The following ASTN1 variants were observed in gnomAD, a reference collection of about 807,000 sequenced individuals.
ASTN1 encodes the protein astrotactin-1.
Under a neutral mutation model 140.7 loss-of-function variants are expected in ASTN1, and 41 were observed. The observed-to-expected ratio is 0.29, with a 90% confidence interval of 0.23 to 0.38. The LOEUF (loss-of-function observed/expected upper bound fraction) is 0.38, where lower values mean the gene tolerates loss of function less well. ASTN1 is among the 10% of genes least tolerant of loss of function. The probability of loss-of-function intolerance (pLI) is 1.00; values close to 1 mark genes in which losing one functional copy is unlikely to be tolerated. For missense variants in ASTN1, 1,479 were observed against 1,678.8 expected, an observed-to-expected ratio of 0.88 and a Z score of 2.08; for synonymous variants, 640 against 652.2, an observed-to-expected ratio of 0.98 and a Z score of 0.29.
chr1:176,944,597 T>A (rs10913279), intron 13 of ASTN1, among the ~76,000 whole-genome samples: 8,434 of 152,158 alleles, frequency 0.055, 754 homozygotes, highest in African/African-American at 0.19. Context: ...ACCAAGAAGT[T>A]CCCCTCACCT....
chr1:176,937,062 G>C (rs1340635981), intron 14 of ASTN1, among the ~76,000 whole-genome samples: 1 of 152,100 alleles, frequency 6.6e-6, no homozygotes, highest in African/African-American at 2.4e-5. Context: ...GAGGCCAGGC[G>C]GCAGTTCTTA....
At chr1:176,895,855 C>G (rs4397623) in intron 16 of ASTN1, among the ~76,000 whole-genome samples, 47,740 of 152,064 alleles carry the variant, frequency 0.31, 9,001 homozygotes, top group East Asian at 0.73. Context: ...TGAGATTCAT[C>G]ACTTCTTTTT....
chr1:177,008,661 A>T (rs2101927815), intron 8 of ASTN1, among the ~76,000 whole-genome samples: 1 of 151,938 alleles, frequency 6.6e-6, no homozygotes, highest in South Asian at 2.1e-4. Flanking sequence ...AGGAGGATGA[A>T]TAAAATAAAC....
rs1349895321 is a variant in ASTN1 at position 176,862,677 on chromosome 1, C to T, written c.*1607G>A. ...AAGGGATTTGAGGCAAGTTGTATAACCTCTCTTTGCCTCGTTTTCCTCAAC... is the reference window on the plus strand; with the variant it reads ...AAGGGATTTGAGGCAAGTTGTATAATCTCTCTTTGCCTCGTTTTCCTCAAC... On this transcript the variant is annotated 3_prime_UTR_variant, in exon 23 of 23. Coordinates refer to ENST00000361833, the MANE Select transcript of ASTN1 (RefSeq NM_004319.3). 1.1e-6 allele frequency: 1 copy of T among 904,722 alleles called. No individual in the cohort carries two copies. Among genetic ancestry groups the T allele is most frequent in the Non-Finnish European group, 1.3e-6 (1 of 756,642 alleles). The allele number at this position is 904,722 out of a possible 1,614,324, so 56.0% of individuals were successfully genotyped here. A position where few individuals can be genotyped will look rare whatever the true frequency, so the allele number is the denominator to read the frequency against.
intron 1 of ASTN1, among the ~76,000 whole-genome samples, chr1:177,145,666 C>G (rs1269516780): frequency 1.3e-5 from 2 of 152,208 alleles, no homozygotes; most frequent in African/African-American, 4.8e-5. Context: ...TATTCATTCA[C>G]TCAGTCAGTC....
chr1:177,030,894 A>C lies in ASTN1; in HGVS notation c.924T>G (p.Thr308=). The C allele has an allele frequency of 6.2e-7, 1 of 1,614,186 alleles. No homozygotes were observed. The highest frequency in any genetic ancestry group is 8.5e-7 in the Non-Finnish European group (1 of 1,180,024). The stretch of plus-strand genomic sequence containing the variant: ...GCTGGTGGTTGGAGTCCACAGGGCT[A>C]GTGGCTATAATATTATCTTTATACT... The part of the protein sequence containing the change: ...MNKYKDNIIA[T]SPVDSNHQQA... The change falls in exon 4 of 23, where the codon ACT becomes ACG. Residue 308 remains threonine (T), a synonymous_variant. Transcript: ENST00000361833.
chr1:176,983,487 C>T (rs1181248577), intron 8 of ASTN1, among the ~76,000 whole-genome samples: 1 of 152,214 alleles, frequency 6.6e-6, no homozygotes, highest in Non-Finnish European at 1.5e-5. Context: ...GACATATTTT[C>T]CCCAAATGCT....
chr1:176,942,101 T>C (rs1671740555), intron 14 of ASTN1, among the ~76,000 whole-genome samples: 1 of 152,240 alleles, frequency 6.6e-6, no homozygotes, highest in Admixed American at 6.5e-5. Flanking sequence ...ATAAGGTAGA[T>C]ATTACTTCAT....
At chr1:177,129,623 G>A (rs901511804) in intron 1 of ASTN1, among the ~76,000 whole-genome samples, 5 of 152,186 alleles carry the variant, frequency 3.3e-5, no homozygotes, top group East Asian at 1.9e-4. Flanking sequence ...ACCCAGTGAC[G>A]TGCTAAAAGT....
intron 16 of ASTN1, among the ~76,000 whole-genome samples, chr1:176,920,950 T>C (rs1354382863): frequency 6.6e-6 from 1 of 152,190 alleles, no homozygotes; most frequent in Admixed American, 6.5e-5. Context: ...CAGCAATATG[T>C]CAACAATAAA....
chr1:176,887,795 CGCCACCTCCTCCACAGAGCCGT>C (rs1669098838), intron 18 of ASTN1, among the ~76,000 whole-genome samples: 1 of 152,010 alleles, frequency 6.6e-6, no homozygotes, highest in Non-Finnish European at 1.5e-5. Context: ...GAAGTTCAAG[CGCCACCTCCTCCACAGAGCCGT>C]CACCATGGCG....
At chr1:176,939,043 CG>C (rs1334585194) in intron 14 of ASTN1, among the ~76,000 whole-genome samples, 2 of 151,226 alleles carry the variant, frequency 1.3e-5, no homozygotes, top group African/African-American at 4.9e-5. Context: ...ACCCAGGGGG[CG>C]GAGGTTGCAG....
At chr1:177,118,013 T>A (rs1681184604) in intron 1 of ASTN1, among the ~76,000 whole-genome samples, 1 of 152,222 alleles carries the variant, frequency 6.6e-6, no homozygotes, top group Non-Finnish European at 1.5e-5. Context: ...TATATGTATA[T>A]ATATTTGTAT....
chr1:177,047,550 G>T (rs1398643830), intron 2 of ASTN1, among the ~76,000 whole-genome samples: 2 of 152,176 alleles, frequency 1.3e-5, no homozygotes, highest in African/African-American at 2.4e-5. Context: ...ATTAGATTCA[G>T]CCTGATGGTG....
chr1:177,028,889 C>A (rs1676272642), intron 5 of ASTN1, among the ~76,000 whole-genome samples: 2 of 152,186 alleles, frequency 1.3e-5, no homozygotes, highest in African/African-American at 4.8e-5. Context: ...TACCACACAG[C>A]AAATAACTGG....
rs79877093 is a variant in ASTN1, at chr1:177,009,351, T to C, written c.1523+5440A>G. Among the ~76,000 whole-genome samples, 783 of 152,284 alleles carry C rather than the reference T, an allele frequency of 5.1e-3. 4 individuals carry two copies. The highest frequency in any genetic ancestry group is 0.017 in the African/African-American group (723 of 41,556). On this transcript the variant is annotated intron_variant, in intron 8 of 22. Transcript: ENST00000361833. ...GTCTTTTTAGTGGTCTCTAAGGAAC[T>C]GTTAAGAATGACATCCTTCAGGCAG...
At chr1:176,974,863 C>A (rs887500508) in intron 8 of ASTN1, among the ~76,000 whole-genome samples, 1 of 152,146 alleles carries the variant, frequency 6.6e-6, no homozygotes, top group African/African-American at 2.4e-5. Context: ...CACACTTGAA[C>A]TTTTTGTCAT....
At chr1:176,894,865 G>T in intron 16 of ASTN1, 35 bp from the exon 17 acceptor site, 2 of 1,609,018 alleles carry the variant, frequency 1.2e-6, no homozygotes, top group South Asian at 1.1e-5. Flanking sequence ...CAGTGAAGGA[G>T]TCAAAAAAGT....
At chr1:177,056,062 T>A (rs1344488752) in intron 2 of ASTN1, among the ~76,000 whole-genome samples, 1 of 152,190 alleles carries the variant, frequency 6.6e-6, no homozygotes, top group African/African-American at 2.4e-5. Context: ...TCACATGCGA[T>A]GCTCAGGCAA....
Sources: allele counts gnomAD v4.1 joint callset (sites outside exome capture counted in the v4.1 genomes callset), GRCh38; gene constraint gnomAD v4.1.1; transcripts MANE v1.5; gene names NCBI Gene and HGNC (gene_info 2026-07-23, HGNC 2026-07-21).